The following GRK5 variants were observed in gnomAD, a reference collection of about 807,000 sequenced individuals.
GRK5 encodes G protein-coupled receptor kinase 5.
A neutral mutation model predicts 78.4 loss-of-function variants in GRK5; 40 were observed. The observed-to-expected ratio is 0.51, with a 90% CI of 0.40 to 0.66. The LOEUF (loss-of-function observed/expected upper bound fraction) is 0.66. Ranked by LOEUF, GRK5 falls within the 30% of genes least tolerant of loss-of-function variation. The pLI is 0.00. For synonymous variants in GRK5, 289 were observed against 296.8 expected (o/e 0.97, Z 0.27); for missense variants, 598 against 759.9 (o/e 0.79, Z 2.50).
intron 1 of GRK5, among the ~76,000 whole-genome samples, chr10:119,294,480 G>A (rs556454875): frequency 6.6e-6 from 1 of 152,158 alleles, no homozygotes; most frequent in Non-Finnish European, 1.5e-5. Context: ...CACCTGTCAA[G>A]CTGGACCTCT....
intron 1 of GRK5, among the ~76,000 whole-genome samples, chr10:119,284,175 C>T (rs570482359): frequency 3.3e-4 from 50 of 152,224 alleles, no homozygotes; most frequent in African/African-American, 8.9e-4. Flanking sequence ...TGGAAATAAA[C>T]GTGAGCCTCT....
intron 1 of GRK5, among the ~76,000 whole-genome samples, chr10:119,246,945 G>A (rs1329698608): frequency 1.3e-5 from 2 of 152,150 alleles, no homozygotes; most frequent in Non-Finnish European, 2.9e-5. Flanking sequence ...TGGCACAGAG[G>A]GCCTCGCTGA....
chr10:119,233,226 A>G (rs1848859983), intron 1 of GRK5, among the ~76,000 whole-genome samples: 1 of 151,776 alleles, frequency 6.6e-6, no homozygotes, highest in Non-Finnish European at 1.5e-5. Context: ...CAGCACCTCC[A>G]TTTTTCTTGG....
intron 3 of GRK5, among the ~76,000 whole-genome samples, chr10:119,390,221 C>T (rs547273903): frequency 2.6e-5 from 4 of 152,032 alleles, no homozygotes; most frequent in Non-Finnish European, 4.4e-5. Context: ...GTTTTCAGGC[C>T]GCTTTTAAAG....
chr10:119,274,232 C>T (rs993272109), intron 1 of GRK5, among the ~76,000 whole-genome samples: 9 of 152,116 alleles, frequency 5.9e-5, no homozygotes, highest in Admixed American at 3.9e-4. Flanking sequence ...AGAACACTGA[C>T]CCGGTGACAT....
chr10:119,391,629 G>A (rs557694762), intron 3 of GRK5, among the ~76,000 whole-genome samples: 3 of 151,522 alleles, frequency 2.0e-5, no homozygotes, highest in East Asian at 2.0e-4. Flanking sequence ...CCGGGAGCCT[G>A]CGGTGCCCAG....
rs1853080432 is a variant in GRK5, at chr10:119,443,566, G to C, written c.1080G>C (p.Gln360His). The C allele has an allele frequency of 8.7e-6, 14 of 1,609,326 alleles. No individual in the cohort carries two copies. The highest frequency in any genetic ancestry group is 1.2e-5 in the Non-Finnish European group (14 of 1,176,078). ...CAGCTCCAGAGGTCCTGAACAACCA[G>C]AGGTACGGCCTGAGCCCCGACTACT... ...GYMAPEVLNNQRYGLSPDYWG... is the reference protein window; with the variant it reads ...GYMAPEVLNNHRYGLSPDYWG... Residue 360 changes from glutamine (Q) to histidine (H), a missense_variant, in exon 12 of 16, where the codon CAG (glutamine) becomes CAC (histidine). Coordinates refer to ENST00000392870, the MANE Select transcript of GRK5 (RefSeq NM_005308.3).
chr10:119,459,671 G>A lies in GRK5; in HGVS notation c.*4604G>A, dbSNP rs1032750258. On this transcript the variant is annotated 3_prime_UTR_variant, in exon 16 of 16. Coordinates refer to ENST00000392870, the MANE Select transcript of GRK5 (RefSeq NM_005308.3). Reference sequence around the variant, plus strand: ...TAACTCTGTGTGTTCCGTCTATCGCGTCACAGTGCCGCTGGATCTAGATGG... The same window carrying A: ...TAACTCTGTGTGTTCCGTCTATCGCATCACAGTGCCGCTGGATCTAGATGG... The A allele has an allele frequency of 1.4e-4, 21 of 152,236 alleles. No individual in the cohort carries two copies. The highest frequency in any genetic ancestry group is 4.6e-4 in the African/African-American group (19 of 41,466). The allele number at this position is 152,236 out of a possible 1,614,324, so 9.4% of individuals were successfully genotyped here.
chr10:119,441,838 C>T (rs1373281065), intron 10 of GRK5, among the ~76,000 whole-genome samples, 161 bp from the exon 11 acceptor site: 1 of 152,194 alleles, frequency 6.6e-6, no homozygotes, highest in Non-Finnish European at 1.5e-5. Context: ...TGCACTCTCC[C>T]AAGGCTCTTG....
intron 2 of GRK5, among the ~76,000 whole-genome samples, chr10:119,371,892 C>A (rs1420928676): frequency 6.6e-6 from 1 of 152,194 alleles, no homozygotes; most frequent in Non-Finnish European, 1.5e-5. Flanking sequence ...CAATCCCCGG[C>A]AGCAACCAGC....
Position 119,284,938 on chromosome 10 carries a change from G to A in GRK5, c.53-41578G>A, listed in dbSNP as rs143759738. ...GCTCCCCATCCTGGGCTGCCTGGAG[G>A]ACTTGCCAGTCTGCGTGGGGATCTG... is the stretch of plus-strand genomic sequence containing the variant. On this transcript the variant is annotated intron_variant, in intron 1 of 15. Coordinates refer to ENST00000392870, the MANE Select transcript of GRK5 (RefSeq NM_005308.3). 1.3e-3 allele frequency among the ~76,000 whole-genome samples: 205 copies of A among 152,358 alleles called. 1 individual carries two copies. In the Middle Eastern group the frequency reaches 0.031, roughly 23 times the overall value.
chr10:119,208,189 G>T (rs924026165), intron 1 of GRK5, among the ~76,000 whole-genome samples: 7 of 152,262 alleles, frequency 4.6e-5, no homozygotes, highest in Non-Finnish European at 8.8e-5. Flanking sequence ...CAGGGATTTG[G>T]ATGCTAACAT....
intron 1 of GRK5, among the ~76,000 whole-genome samples, chr10:119,268,484 G>C (rs1849535854): frequency 6.6e-6 from 1 of 152,188 alleles, no homozygotes; most frequent in Non-Finnish European, 1.5e-5. Context: ...CCCAAGACGA[G>C]GTGTGATTTA....
intron 2 of GRK5, chr10:119,333,989 AC>A: frequency 2.6e-6 from 1 of 387,338 alleles, no homozygotes; most frequent in Non-Finnish European, 5.1e-6. Context: ...GGCCTGGACC[AC>A]AGGCTCTCCA....
intron 1 of GRK5, among the ~76,000 whole-genome samples, chr10:119,258,135 C>T (rs1226448156): frequency 1.3e-5 from 2 of 152,152 alleles, no homozygotes; most frequent in Non-Finnish European, 2.9e-5. Context: ...CTACTCCTAG[C>T]CCCAGCCCCT....
chr10:119,361,232 A>T (rs961019477), intron 2 of GRK5, among the ~76,000 whole-genome samples: 33 of 152,222 alleles, frequency 2.2e-4, no homozygotes, highest in African/African-American at 8.0e-4. Flanking sequence ...GGTGCGGCTC[A>T]TGGCAGGTGC....
chr10:119,326,410 G>A (rs1850680137), intron 1 of GRK5, 106 bp from the exon 2 acceptor site: 2 of 838,628 alleles, frequency 2.4e-6, no homozygotes, highest in South Asian at 1.5e-5. Flanking sequence ...TTGGCCTACA[G>A]CCCGTCCCTC....
At chr10:119,221,876 G>A (rs1848660433) in intron 1 of GRK5, among the ~76,000 whole-genome samples, 1 of 152,158 alleles carries the variant, frequency 6.6e-6, no homozygotes, top group African/African-American at 2.4e-5. Context: ...TCTGAGTAAT[G>A]AGTCATCTTT....
chr10:119,454,549 G>C lies in GRK5; in HGVS notation c.1675-420G>C, dbSNP rs529242403. Among the ~76,000 whole-genome samples the C allele has an allele frequency of 2.5e-3, 378 of 152,314 alleles. 1 individual carries two copies. Among genetic ancestry groups the C allele is most frequent in the African/African-American group, 8.4e-3 (351 of 41,574 alleles). ...CTCTCCCAGGCCGGCCCTCGCTAGA[G>C]CCCTTTGCATATGAGGCCCCATTGT... On this transcript the variant is annotated intron_variant, in intron 15 of 15. Transcript: ENST00000392870.
Sources: allele counts gnomAD v4.1 joint callset (sites outside exome capture counted in the v4.1 genomes callset), GRCh38; gene constraint gnomAD v4.1.1; transcripts MANE v1.5; gene names NCBI Gene and HGNC (gene_info 2026-07-23, HGNC 2026-07-21).